The following GREM2 variants were observed in gnomAD, a reference collection of about 807,000 sequenced individuals.
The protein encoded by GREM2 is gremlin-2.
GREM2 carries 11 observed loss-of-function variants against 14.2 expected under a neutral mutation model. That is an observed-to-expected ratio of 0.78 (90% confidence interval 0.49 to 1.28). GREM2 has a LOEUF of 1.28. GREM2 is among the 50% of genes most tolerant of loss of function. The probability of loss-of-function intolerance (pLI) is 0.00; values close to 1 mark genes in which losing one functional copy is unlikely to be tolerated. For missense variants in GREM2, 210 were observed against 218.5 expected, an observed-to-expected ratio of 0.96 and a Z score of 0.24; for synonymous variants, 98 against 97.6, an observed-to-expected ratio of 1.00 and a Z score of -0.02.
At chr1:240,525,852 A>G (rs1450800985) in intron 1 of GREM2, among the ~76,000 whole-genome samples, 1 of 152,162 alleles carries the variant, frequency 6.6e-6, no homozygotes, top group Non-Finnish European at 1.5e-5. Context: ...TCAAGATGTC[A>G]ACAGGGATGT....
At chr1:240,547,733 T>C (rs913063656) in intron 1 of GREM2, among the ~76,000 whole-genome samples, 1 of 151,858 alleles carries the variant, frequency 6.6e-6, no homozygotes, top group Non-Finnish European at 1.5e-5. Context: ...GTCTTAAGAA[T>C]ATTAATATGG....
intron 1 of GREM2, among the ~76,000 whole-genome samples, chr1:240,577,969 G>A (rs905152760): frequency 6.6e-6 from 1 of 152,168 alleles, no homozygotes; most frequent in Non-Finnish European, 1.5e-5. Context: ...AATCCTTGTA[G>A]ATATGTAGCA....
At chr1:240,535,813 G>C (rs56331754) in intron 1 of GREM2, among the ~76,000 whole-genome samples, 1 of 124,342 alleles carries the variant, frequency 8.0e-6, no homozygotes, top group Non-Finnish European at 1.7e-5. Context: ...AAAAAAAAAA[G>C]AAAGAAAAAA....
chr1:240,526,334 T>TG (rs1678221632), intron 1 of GREM2, among the ~76,000 whole-genome samples: 1 of 152,182 alleles, frequency 6.6e-6, no homozygotes, highest in Non-Finnish European at 1.5e-5. Context: ...ATGGGTAGTT[T>TG]GGGGGTGATT....
chr1:240,503,294 T>C (rs957468563), intron 1 of GREM2, among the ~76,000 whole-genome samples: 1 of 152,156 alleles, frequency 6.6e-6, no homozygotes, highest in Non-Finnish European at 1.5e-5. Flanking sequence ...CAACAAGACC[T>C]CATCTTCTTT....
At chr1:240,591,039 C>G (rs551837006) in intron 1 of GREM2, among the ~76,000 whole-genome samples, 13 of 151,808 alleles carry the variant, frequency 8.6e-5, no homozygotes, top group Non-Finnish European at 1.9e-4. Context: ...CTTGGCCTCC[C>G]GAAGTGCTGG....
At chr1:240,564,507 CAAA>C (rs35623408) in intron 1 of GREM2, among the ~76,000 whole-genome samples, 3 of 138,068 alleles carry the variant, frequency 2.2e-5, no homozygotes, top group Middle Eastern at 3.5e-3. Context: ...GACCCTGTCT[CAAA>C]AAAAAAAAAA....
intron 1 of GREM2, among the ~76,000 whole-genome samples, chr1:240,554,120 A>T (rs1678907411): frequency 6.6e-6 from 1 of 152,078 alleles, no homozygotes; most frequent in Non-Finnish European, 1.5e-5. Context: ...AGTAAAGACG[A>T]GGTCTCTAGG....
chr1:240,590,297 T>C (rs779843711), intron 1 of GREM2, among the ~76,000 whole-genome samples: 11 of 152,114 alleles, frequency 7.2e-5, no homozygotes, highest in Non-Finnish European at 1.5e-4. Flanking sequence ...AGCTTGCCAG[T>C]TTTTGCACCT....
intron 1 of GREM2, among the ~76,000 whole-genome samples, chr1:240,604,604 G>A (rs1679991682): frequency 1.3e-5 from 2 of 152,148 alleles, no homozygotes; most frequent in Admixed American, 1.3e-4. Flanking sequence ...CAGGTAAGTG[G>A]AAGTCAAGAA....
Position 240,492,924 on chromosome 1 carries a change from C to A in GREM2, c.*45G>T. ...GGACAGAGGCGGCGGCGGCGCCACC[C>A]AGCGGCCGGGCGCGCGCGGGGCTGA... On this transcript the variant is annotated 3_prime_UTR_variant, in exon 2 of 2. Transcript: ENST00000318160. 7.3e-7 allele frequency: 1 copy of A among 1,374,410 alleles called. No homozygotes were observed. Among genetic ancestry groups the A allele is most frequent in the East Asian group, 2.8e-5 (1 of 35,922 alleles). 85.1% of individuals were successfully genotyped at this position (1,374,410 alleles called of 1,614,324 possible).
intron 1 of GREM2, among the ~76,000 whole-genome samples, chr1:240,506,023 CT>C (rs1392688961): frequency 1.3e-5 from 2 of 151,940 alleles, no homozygotes; most frequent in Non-Finnish European, 2.9e-5. Context: ...TACATAATAT[CT>C]ACTGCAAATT....
intron 1 of GREM2, among the ~76,000 whole-genome samples, chr1:240,500,745 T>C (rs1290590652): frequency 6.6e-6 from 1 of 152,246 alleles, no homozygotes; most frequent in Non-Finnish European, 1.5e-5. Context: ...AGTTTATTCA[T>C]TCAGCTTATG....
At chr1:240,580,718 G>T (rs1679467392) in intron 1 of GREM2, among the ~76,000 whole-genome samples, 2 of 152,114 alleles carry the variant, frequency 1.3e-5, no homozygotes, top group African/African-American at 4.8e-5. Context: ...AAGACTACAG[G>T]TGGGCCACCA....
intron 1 of GREM2, among the ~76,000 whole-genome samples, chr1:240,573,852 A>AG (rs1679306483): frequency 6.6e-6 from 1 of 152,146 alleles, no homozygotes; most frequent in African/African-American, 2.4e-5. Context: ...ACCCTGAGCT[A>AG]GGGGTCTCAG....
chr1:240,584,972 A>G (rs1001064604), intron 1 of GREM2, among the ~76,000 whole-genome samples: 1 of 152,034 alleles, frequency 6.6e-6, no homozygotes, highest in Admixed American at 6.6e-5. Context: ...CCTTTTTTGT[A>G]GTTTCCCTTC....
chr1:240,492,326 C>A lies in GREM2; in HGVS notation c.*643G>T. ...GGGGGATTGTGTAGCCTGCTCTGCTCGAGGTTTCCCGGGAAGCCCACTTCG... is the reference window on the plus strand; with the variant it reads ...GGGGGATTGTGTAGCCTGCTCTGCTAGAGGTTTCCCGGGAAGCCCACTTCG... On this transcript the variant is annotated 3_prime_UTR_variant, in exon 2 of 2. Transcript: ENST00000318160. The A allele has an allele frequency of 6.2e-6, 2 of 321,480 alleles. No individual in the cohort carries two copies. The highest frequency in any genetic ancestry group is 2.3e-5 in the South Asian group (1 of 42,686). The allele number at this position is 321,480 out of a possible 1,614,324, so 19.9% of individuals were successfully genotyped here.
intron 1 of GREM2, among the ~76,000 whole-genome samples, chr1:240,505,311 C>G (rs537890994): frequency 6.6e-6 from 1 of 152,220 alleles, no homozygotes; most frequent in East Asian, 1.9e-4. Context: ...TCAGATATTT[C>G]TTTATAGCCG....
chr1:240,564,935 T>G (rs543897996), intron 1 of GREM2, among the ~76,000 whole-genome samples: 3 of 152,338 alleles, frequency 2.0e-5, no homozygotes, highest in Non-Finnish European at 4.4e-5. Context: ...TGAGGGTAAC[T>G]CAGCCTTCCA....
Sources: gnomAD v4.1 joint callset for allele counts (sites outside exome capture counted in the v4.1 genomes callset) on GRCh38, gnomAD v4.1.1 for gene constraint, MANE v1.5 for transcripts, NCBI Gene and HGNC (gene_info 2026-07-23, HGNC 2026-07-21) for gene names.